The following RUNX1 variants were observed in gnomAD, a reference collection of about 807,000 sequenced individuals.
The protein encoded by RUNX1 is RUNX family transcription factor 1, also known as runt-related transcription factor 1.
In RUNX1, 19 loss-of-function variants were observed where a neutral mutation model predicts 42.8. That is an observed-to-expected ratio of 0.44 (90% CI 0.31 to 0.65). RUNX1 has a LOEUF of 0.65. Among genes scored for constraint, RUNX1 ranks in the 30% least tolerant of loss-of-function variants. The pLI is 0.07. For missense variants in RUNX1, 528 were observed against 672.0 expected (o/e 0.79, Z 2.37); for synonymous variants, 271 against 289.4 (o/e 0.94, Z 0.64).
chr21:34,951,780 G>A (rs921016241), intron 2 of RUNX1, among the ~76,000 whole-genome samples: 1 of 152,186 alleles, frequency 6.6e-6, no homozygotes, highest in African/African-American at 2.4e-5. Flanking sequence ...CTGTTGGTGG[G>A]AATGTAAATT....
intron 6 of RUNX1, among the ~76,000 whole-genome samples, chr21:34,841,692 C>T (rs2057237984): frequency 6.6e-6 from 1 of 152,184 alleles, no homozygotes; most frequent in South Asian, 2.1e-4. Context: ...ACTGTTTCCT[C>T]TGCTCAGGAA....
chr21:34,792,817 G>T lies in RUNX1; in HGVS notation c.968-207C>A, dbSNP rs2056467917. 6.6e-6 allele frequency among the ~76,000 whole-genome samples: 1 copy of T among 151,460 alleles called. No individual in the cohort carries two copies. The highest frequency in any genetic ancestry group is 1.5e-5 in the Non-Finnish European group (1 of 67,796). Reference sequence around the variant, plus strand: ...TTACCCAGGATGCTATACCCAGGGGGACAGGGACCACCCAGGATGCCACCT... The same window carrying T: ...TTACCCAGGATGCTATACCCAGGGGTACAGGGACCACCCAGGATGCCACCT... On this transcript the variant is annotated intron_variant, in intron 8 of 8. Transcript: ENST00000675419. The surrounding 1 kb of genome is among the most constrained non-coding windows in gnomAD (Gnocchi z 6.9).
At chr21:34,953,837 T>G (rs2058626152) in intron 2 of RUNX1, among the ~76,000 whole-genome samples, 1 of 152,032 alleles carries the variant, frequency 6.6e-6, no homozygotes, top group African/African-American at 2.4e-5. Context: ...AGAGAAGAAA[T>G]TAATTCTGCT....
chr21:35,008,889 C>T (rs2059104695), intron 2 of RUNX1, among the ~76,000 whole-genome samples: 1 of 152,024 alleles, frequency 6.6e-6, no homozygotes, highest in Admixed American at 6.5e-5. Context: ...ATGAAAAGAG[C>T]CATTGATCCA....
chr21:34,888,731 C>T (rs2058035513), intron 3 of RUNX1: 5 of 1,013,136 alleles, frequency 4.9e-6, no homozygotes, highest in Non-Finnish European at 5.9e-6. Context: ...TACTGTAAGC[C>T]CGGCCGGAGG....
At chr21:34,963,439 C>T (rs1234870952) in intron 2 of RUNX1, among the ~76,000 whole-genome samples, 1 of 152,176 alleles carries the variant, frequency 6.6e-6, no homozygotes, top group African/African-American at 2.4e-5. Flanking sequence ...AGTCGTCTCT[C>T]GTCCTAGTTT....
At chr21:34,974,672 C>T (rs917934992) in intron 2 of RUNX1, among the ~76,000 whole-genome samples, 12 of 152,298 alleles carry the variant, frequency 7.9e-5, no homozygotes, top group Admixed American at 3.9e-4. Context: ...TGCTCTCTGC[C>T]GGCACTCCTT....
At chr21:34,968,773 C>T (rs2058739417) in intron 2 of RUNX1, among the ~76,000 whole-genome samples, 1 of 152,068 alleles carries the variant, frequency 6.6e-6, no homozygotes, top group Non-Finnish European at 1.5e-5. Flanking sequence ...TATGATTCAC[C>T]TGAGGGTAAC....
At chr21:34,863,810 T>G (rs1020886324) in intron 5 of RUNX1, among the ~76,000 whole-genome samples, 1 of 152,130 alleles carries the variant, frequency 6.6e-6, no homozygotes, top group East Asian at 1.9e-4. Flanking sequence ...CACCTTGGCC[T>G]CCCAATCATG....
chr21:34,849,290 T>C (rs1445724495), intron 6 of RUNX1, among the ~76,000 whole-genome samples: 1 of 57,828 alleles, frequency 1.7e-5, no homozygotes, highest in Non-Finnish European at 3.1e-5. Flanking sequence ...ATATATATTA[T>C]ATATAAAATA....
intron 5 of RUNX1, among the ~76,000 whole-genome samples, chr21:34,862,115 TGAGAGA>T (rs137981085): frequency 1.3e-5 from 2 of 148,528 alleles, no homozygotes; most frequent in Middle Eastern, 3.5e-3. Flanking sequence ...TGTGGGTGTA[TGAGAGA>T]GAGAGAGAGA....
At chr21:34,871,169 A>G (rs2057731752) in intron 5 of RUNX1, among the ~76,000 whole-genome samples, 2 of 152,098 alleles carry the variant, frequency 1.3e-5, no homozygotes, top group Non-Finnish European at 2.9e-5. Flanking sequence ...CCGTTCCTAC[A>G]CACACCCTTG....
At chr21:34,895,567 A>G (rs565392750) in intron 2 of RUNX1, among the ~76,000 whole-genome samples, 1 of 152,050 alleles carries the variant, frequency 6.6e-6, no homozygotes, top group Non-Finnish European at 1.5e-5. Flanking sequence ...TGGTTCAAAG[A>G]GCTAGAGGAG....
intron 7 of RUNX1, chr21:34,832,913 A>G (rs564186796): frequency 6.6e-6 from 1 of 152,294 alleles, no homozygotes; most frequent in African/African-American, 2.4e-5. Context: ...CTGTTTGTTT[A>G]CAAAAGGGTT....
intron 5 of RUNX1, among the ~76,000 whole-genome samples, chr21:34,871,841 T>TA (rs2146307005): frequency 7.1e-6 from 1 of 141,128 alleles, no homozygotes; most frequent in Admixed American, 7.1e-5. Context: ...ACCTTGCTTT[T>TA]ATCACTTTTT....
chr21:34,968,970 G>A (rs1938945508), intron 2 of RUNX1, among the ~76,000 whole-genome samples: 1 of 152,108 alleles, frequency 6.6e-6, no homozygotes, highest in Non-Finnish European at 1.5e-5. Context: ...AAATCAAGAA[G>A]GAAGAGTTCT....
intron 8 of RUNX1, among the ~76,000 whole-genome samples, chr21:34,797,064 C>A (rs373296635): frequency 5.3e-5 from 8 of 152,292 alleles, no homozygotes; most frequent in Non-Finnish European, 7.4e-5. Context: ...TATTCCACCC[C>A]CCTCCTGCCT....
chr21:34,859,662 T>A, intron 5 of RUNX1, 84 bp from the exon 6 acceptor site: 3 of 1,134,538 alleles, frequency 2.6e-6, no homozygotes, highest in Non-Finnish European at 4.0e-6. Context: ...TAATTTATGC[T>A]GTCCAGCCCT....
intron 2 of RUNX1, among the ~76,000 whole-genome samples, chr21:34,937,330 A>AAG (rs1046980482): frequency 6.6e-6 from 1 of 151,650 alleles, no homozygotes; most frequent in Non-Finnish European, 1.5e-5. Context: ...CAAAAAAAAA[A>AAG]AAAAAAAAGG....
Sources: gnomAD v4.1 joint callset for allele counts (sites outside exome capture counted in the v4.1 genomes callset) on GRCh38, gnomAD v4.1.1 for gene constraint, Gnocchi (gnomAD v3.1) non-coding constraint, MANE v1.5 for transcripts, NCBI Gene and HGNC (gene_info 2026-07-23, HGNC 2026-07-21) for gene names.